The following SGCZ variants were observed in gnomAD, a reference collection of about 807,000 sequenced individuals.
SGCZ encodes zeta-sarcoglycan.
SGCZ carries 40 observed loss-of-function variants against 41.3 expected under a neutral mutation model. That is an observed-to-expected ratio of 0.97 (90% CI 0.75 to 1.26). SGCZ has a LOEUF of 1.26. SGCZ is among the 50% of genes most tolerant of loss of function. The pLI, the probability that SGCZ is intolerant of heterozygous loss-of-function variation, is 0.00. For missense variants in SGCZ, 552 were observed against 369.8 expected, an observed-to-expected ratio of 1.49 and a Z score of -4.04; for synonymous variants, 206 against 137.5, an observed-to-expected ratio of 1.50 and a Z score of -3.49.
At chr8:14,338,981 C>A (rs1195360674) in intron 2 of SGCZ, among the ~76,000 whole-genome samples, 3 of 151,948 alleles carry the variant, frequency 2.0e-5, no homozygotes, top group African/African-American at 4.8e-5. Context: ...GGCTGATGCT[C>A]AAAAATGAAA....
chr8:15,203,546 T>C (rs1292472107), intron 1 of SGCZ, among the ~76,000 whole-genome samples: 1 of 152,218 alleles, frequency 6.6e-6, no homozygotes, highest in African/African-American at 2.4e-5. Context: ...TAGCACAGGC[T>C]ACTTAAAACC....
chr8:14,529,237 T>C (rs757032582), intron 2 of SGCZ, among the ~76,000 whole-genome samples: 1 of 152,178 alleles, frequency 6.6e-6, no homozygotes, highest in Non-Finnish European at 1.5e-5. Flanking sequence ...CTTATGATCC[T>C]ACAGCCATAT....
chr8:15,236,493 CT>C (rs1213312859), intron 1 of SGCZ, among the ~76,000 whole-genome samples: 2 of 152,090 alleles, frequency 1.3e-5, no homozygotes, highest in African/African-American at 4.8e-5. Flanking sequence ...CCATCTGAAC[CT>C]CTGAAATAGT....
intron 4 of SGCZ, among the ~76,000 whole-genome samples, chr8:14,209,329 C>G (rs1805720752): frequency 6.6e-6 from 1 of 151,954 alleles, no homozygotes; most frequent in African/African-American, 2.4e-5. Context: ...AGGGAGAGAG[C>G]TGTTCTGCTT....
chr8:14,136,641 T>C (rs1181370375), intron 5 of SGCZ, among the ~76,000 whole-genome samples: 1 of 152,090 alleles, frequency 6.6e-6, no homozygotes, highest in Non-Finnish European at 1.5e-5. Context: ...TAAACAAAGC[T>C]GCCAGGAAGC....
chr8:14,927,531 G>A (rs1799794894), intron 1 of SGCZ, among the ~76,000 whole-genome samples: 1 of 134,240 alleles, frequency 7.4e-6, no homozygotes, highest in African/African-American at 2.6e-5. Flanking sequence ...AGAGCAAGAA[G>A]AAGGAAGAGG....
chr8:14,686,317 A>T (rs562666848), intron 1 of SGCZ, among the ~76,000 whole-genome samples: 133 of 152,292 alleles, frequency 8.7e-4, no homozygotes, highest in African/African-American at 2.6e-3. Flanking sequence ...GAAATATACA[A>T]TATAGTAACA....
At chr8:14,923,171 G>T (rs1463007064) in intron 1 of SGCZ, among the ~76,000 whole-genome samples, 1 of 152,194 alleles carries the variant, frequency 6.6e-6, no homozygotes, top group Non-Finnish European at 1.5e-5. Context: ...TCAGAGTACA[G>T]ATTTGGTTCC....
intron 1 of SGCZ, among the ~76,000 whole-genome samples, chr8:14,577,707 G>A (rs1804757498): frequency 6.6e-6 from 1 of 151,902 alleles, no homozygotes; most frequent in South Asian, 2.1e-4. Context: ...ATAATAAAGT[G>A]GAGAGAAATT....
intron 2 of SGCZ, among the ~76,000 whole-genome samples, chr8:14,434,620 G>T (rs948046620): frequency 6.6e-6 from 1 of 152,118 alleles, no homozygotes; most frequent in African/African-American, 2.4e-5. Context: ...GTTTCAATTT[G>T]TTTGTGTCAT....
chr8:14,768,102 C>A (rs1197658269), intron 1 of SGCZ, among the ~76,000 whole-genome samples: 4 of 152,078 alleles, frequency 2.6e-5, no homozygotes, highest in East Asian at 1.9e-4. Flanking sequence ...GCCCTAAAAC[C>A]TAAAATGCCA....
At chr8:14,965,102 A>G (rs140481481) in intron 1 of SGCZ, among the ~76,000 whole-genome samples, 1 of 152,228 alleles carries the variant, frequency 6.6e-6, no homozygotes, top group Non-Finnish European at 1.5e-5. Flanking sequence ...GGGACATAAC[A>G]GCCTATCAGG....
intron 1 of SGCZ, among the ~76,000 whole-genome samples, chr8:14,672,382 T>C (rs981912326): frequency 6.6e-6 from 1 of 152,212 alleles, no homozygotes; most frequent in African/African-American, 2.4e-5. Flanking sequence ...AAGAATATTC[T>C]TGCAAGAAAC....
intron 3 of SGCZ, among the ~76,000 whole-genome samples, chr8:14,319,285 G>C (rs1458073415): frequency 6.6e-6 from 1 of 151,866 alleles, no homozygotes; most frequent in African/African-American, 2.4e-5. Context: ...ATACCAAGGT[G>C]CCCTTGGATT....
chr8:14,281,790 G>C (rs182387673), intron 3 of SGCZ, among the ~76,000 whole-genome samples: 32 of 152,132 alleles, frequency 2.1e-4, no homozygotes, highest in Admixed American at 1.1e-3. Flanking sequence ...ATAAATATAA[G>C]TACACTTCTA....
chr8:15,217,411 C>T (rs1259407264), intron 1 of SGCZ, among the ~76,000 whole-genome samples: 6 of 93,972 alleles, frequency 6.4e-5, no homozygotes, highest in Non-Finnish European at 1.5e-4. Context: ...AGCGAGACTC[C>T]GTCTCAAAAA....
intron 2 of SGCZ, among the ~76,000 whole-genome samples, chr8:14,414,198 A>G (rs1585477095): frequency 1.3e-5 from 2 of 151,970 alleles, no homozygotes; most frequent in South Asian, 2.1e-4. Flanking sequence ...TCGCGCACAC[A>G]CACACACATA....
intron 1 of SGCZ, among the ~76,000 whole-genome samples, chr8:14,823,162 T>C (rs1308898898): frequency 6.6e-6 from 1 of 151,334 alleles, no homozygotes; most frequent in Non-Finnish European, 1.5e-5. Flanking sequence ...TTCATGACAT[T>C]GGGCTAGGCA....
intron 1 of SGCZ, among the ~76,000 whole-genome samples, chr8:15,004,705 A>G (rs1052187810): frequency 1.3e-5 from 2 of 152,192 alleles, no homozygotes; most frequent in Non-Finnish European, 2.9e-5. Flanking sequence ...CTCCCAAGAC[A>G]ACAAAAGACT....
Sources: gnomAD v4.1 joint callset for allele counts (sites outside exome capture counted in the v4.1 genomes callset) on GRCh38, gnomAD v4.1.1 for gene constraint, MANE v1.5 for transcripts, NCBI Gene and HGNC (gene_info 2026-07-23, HGNC 2026-07-21) for gene names.